MTMR7: variants seen among roughly 807,000 people sequenced by gnomAD.
MTMR7 encodes myotubularin related protein 7, also known as phosphatidylinositol-3-phosphate phosphatase MTMR7.
Under a neutral mutation model 81.2 loss-of-function variants are expected in MTMR7, and 76 were observed. That is an observed-to-expected ratio of 0.94 (90% CI 0.78 to 1.13). The LOEUF is 1.13. Among genes scored for constraint, MTMR7 ranks in the 50% most tolerant of loss-of-function variants. MTMR7 has a pLI of 0.00. For missense variants in MTMR7, 1,044 were observed against 820.0 expected (o/e 1.27, Z -3.34); for synonymous variants, 372 against 289.8 (o/e 1.28, Z -2.88).
intron 5 of MTMR7, among the ~76,000 whole-genome samples, chr8:17,345,147 G>T (rs932980119): frequency 6.6e-6 from 1 of 152,168 alleles, no homozygotes; most frequent in Non-Finnish European, 1.5e-5. Flanking sequence ...TGTGCGTAAG[G>T]CCTAAAATTA....
At chr8:17,311,702 C>G (rs1817790823) in intron 8 of MTMR7, 66 bp from the exon 9 acceptor site, 8 of 1,607,510 alleles carry the variant, frequency 5.0e-6, no homozygotes, top group Non-Finnish European at 6.8e-6. Context: ...CCTCTCATCA[C>G]AGCCAGGTTT....
chr8:17,313,521 A>C (rs1284932694), intron 7 of MTMR7, 120 bp from the exon 8 acceptor site: 1 of 437,246 alleles, frequency 2.3e-6, no homozygotes, highest in Non-Finnish European at 3.8e-6. Flanking sequence ...TTCTGGAAGC[A>C]AGCCTTAAGT....
chr8:17,322,697 C>T (rs1190467651), intron 7 of MTMR7, among the ~76,000 whole-genome samples: 3 of 151,962 alleles, frequency 2.0e-5, no homozygotes, highest in South Asian at 2.1e-4. Flanking sequence ...TGGAGGTGCA[C>T]GCCTGTAGTC....
chr8:17,412,498 T>G (rs1290523667), intron 1 of MTMR7, among the ~76,000 whole-genome samples: 1 of 152,182 alleles, frequency 6.6e-6, no homozygotes, highest in Non-Finnish European at 1.5e-5. Flanking sequence ...TCATTCTAAA[T>G]TAGATTATCA....
chr8:17,300,861 G>A (rs1218725346), intron 13 of MTMR7, among the ~76,000 whole-genome samples: 2 of 152,134 alleles, frequency 1.3e-5, no homozygotes, highest in Admixed American at 6.6e-5. Flanking sequence ...AAATTGAATG[G>A]AATCATACAA....
intron 2 of MTMR7, 76 bp downstream of exon 2, chr8:17,373,042 A>C (rs1820466969): frequency 6.4e-7 from 1 of 1,557,654 alleles, no homozygotes; most frequent in African/African-American, 1.4e-5. Context: ...CACCCTGAGG[A>C]AAAATGAATG....
intron 1 of MTMR7, among the ~76,000 whole-genome samples, chr8:17,389,074 C>G (rs1329466681): frequency 1.3e-5 from 2 of 152,150 alleles, no homozygotes; most frequent in African/African-American, 2.4e-5. Context: ...ACAGTGCACT[C>G]TGAGGTCACC....
intron 7 of MTMR7, among the ~76,000 whole-genome samples, chr8:17,317,403 T>C (rs6587031): frequency 0.27 from 41,166 of 151,968 alleles, 6,582 homozygotes; most frequent in African/African-American, 0.44. Context: ...TGGATGCCAG[T>C]GTCCTAAGAG....
chr8:17,365,370 C>T (rs1420079442), intron 3 of MTMR7, among the ~76,000 whole-genome samples: 1 of 152,094 alleles, frequency 6.6e-6, no homozygotes, highest in Non-Finnish European at 1.5e-5. Flanking sequence ...CTTTGTTATG[C>T]AGAAGCTTCT....
intron 10 of MTMR7, among the ~76,000 whole-genome samples, chr8:17,306,884 A>C (rs1817489751): frequency 1.3e-5 from 2 of 151,690 alleles, no homozygotes; most frequent in Admixed American, 1.3e-4. Flanking sequence ...TACAAAAATT[A>C]ATTCAAGATG....
rs3764796 is a variant in MTMR7, at chr8:17,300,168, T to G, written c.1677A>C (p.Gln559His). Residue 559 changes from glutamine to histidine, a missense_variant, in exon 14 of 14, where the codon CAA (glutamine) becomes CAC (histidine). Gln to His is a conservative substitution (Grantham distance 24). Coordinates refer to ENST00000180173, the MANE Select transcript of MTMR7 (RefSeq NM_004686.5). Reference sequence around the variant, plus strand: ...ACCCTGAGTGCTTGCTGGGCTCACTTTGCTTACTCTTCACCTTAGTGCAAT... The same window carrying G: ...ACCCTGAGTGCTTGCTGGGCTCACTGTGCTTACTCTTCACCTTAGTGCAAT... The part of the protein sequence containing the change: ...QLNCTKVKSK[Q>H]SEPSKHSGFS... 177,277 of 1,614,028 alleles carry G rather than the reference T, an allele frequency of 0.11. 11,248 individuals carry two copies. The highest frequency in any genetic ancestry group is 0.22 in the South Asian group (19,669 of 91,070).
intron 3 of MTMR7, among the ~76,000 whole-genome samples, chr8:17,369,421 G>A (rs1256956660): frequency 3.3e-5 from 5 of 152,032 alleles, no homozygotes; most frequent in African/African-American, 1.2e-4. Context: ...CAAAGAATAT[G>A]GACAAATCAT....
chr8:17,334,653 C>T (rs566732445), intron 6 of MTMR7, among the ~76,000 whole-genome samples: 10 of 152,278 alleles, frequency 6.6e-5, no homozygotes, highest in African/African-American at 1.9e-4. Flanking sequence ...TATGGCCAGG[C>T]GTTAAGTGGA....
At chr8:17,328,582 G>A (rs1818821351) in intron 7 of MTMR7, among the ~76,000 whole-genome samples, 1 of 152,056 alleles carries the variant, frequency 6.6e-6, no homozygotes, top group Non-Finnish European at 1.5e-5. Context: ...GTGGGGGAGT[G>A]GAGGGAGAGC....
At chr8:17,310,639 A>G (rs1817733688) in intron 9 of MTMR7, among the ~76,000 whole-genome samples, 1 of 152,200 alleles carries the variant, frequency 6.6e-6, no homozygotes, top group Admixed American at 6.5e-5. Context: ...ATGCTATCAC[A>G]GGTAATTGGA....
chr8:17,298,242 T>C lies in MTMR7; in HGVS notation c.*1620A>G, dbSNP rs1300078924. The C allele has an allele frequency of 1.3e-5, 2 of 152,076 alleles. No individual in the cohort carries two copies. Among genetic ancestry groups the C allele is most frequent in the Non-Finnish European group, 2.9e-5 (2 of 67,926 alleles). The allele number at this position is 152,076 out of a possible 1,614,324, so 9.4% of individuals were successfully genotyped here. On this transcript the variant is annotated 3_prime_UTR_variant, in exon 14 of 14. Transcript: ENST00000180173. ...TTTTAGCAAGGTATTCCCTATTACATATAGTATATTGCAGAAAATGAATAA... is the reference window on the plus strand; with the variant it reads ...TTTTAGCAAGGTATTCCCTATTACACATAGTATATTGCAGAAAATGAATAA...
chr8:17,318,763 C>G (rs1442771088), intron 7 of MTMR7, among the ~76,000 whole-genome samples: 3 of 152,178 alleles, frequency 2.0e-5, no homozygotes, highest in African/African-American at 7.2e-5. Context: ...TGTCCTCACT[C>G]CCCTGCCTCT....
chr8:17,391,122 G>T (rs1821095155), intron 1 of MTMR7, among the ~76,000 whole-genome samples: 1 of 152,164 alleles, frequency 6.6e-6, no homozygotes, highest in African/African-American at 2.4e-5. Flanking sequence ...TGTGGTCAAG[G>T]GTCTACGAGG....
chr8:17,402,405 G>T (rs769620645), intron 1 of MTMR7, among the ~76,000 whole-genome samples: 3 of 151,980 alleles, frequency 2.0e-5, no homozygotes, highest in Admixed American at 6.6e-5. Context: ...ACCTGCCCCA[G>T]ACCCCACTAC....
Sources: allele counts gnomAD v4.1 joint callset (sites outside exome capture counted in the v4.1 genomes callset), GRCh38; gene constraint gnomAD v4.1.1; transcripts MANE v1.5; gene names NCBI Gene and HGNC (gene_info 2026-07-23, HGNC 2026-07-21).